ESYT3: variants seen among roughly 807,000 people sequenced by gnomAD.
ESYT3 encodes extended synaptotagmin 3, also known as extended synaptotagmin-3.
ESYT3 carries 101 observed loss-of-function variants against 111.5 expected under a neutral mutation model. That is an observed-to-expected ratio of 0.91 (90% CI 0.77 to 1.07). The LOEUF (loss-of-function observed/expected upper bound fraction) is 1.07. Among genes scored for constraint, ESYT3 ranks in the 50% least tolerant of loss-of-function variants. The pLI is 0.00. For synonymous variants in ESYT3, 416 were observed against 446.8 expected, an observed-to-expected ratio of 0.93 and a Z score of 0.87; for missense variants, 1,097 against 1,109.4, an observed-to-expected ratio of 0.99 and a Z score of 0.16.
At position 138,440,544 on chromosome 3, in the gene ESYT3, T is replaced by C. The variant is rs895208448; in HGVS notation, c.327+5419T>C. On this transcript the variant is annotated intron_variant, in intron 1 of 22. Coordinates refer to ENST00000389567, the MANE Select transcript of ESYT3 (RefSeq NM_031913.5). This position sits in a 1 kb window ranked among gnomAD's most constrained non-coding sequence, Gnocchi z 4.2. Reference sequence around the variant, plus strand: ...GAGCCAGGGCCGTGGAACCTGATTTTAAACATCAGGACTGGTTGGGTGCTG... The same window carrying C: ...GAGCCAGGGCCGTGGAACCTGATTTCAAACATCAGGACTGGTTGGGTGCTG... Among the ~76,000 whole-genome samples, 1 of 152,226 alleles carries C rather than the reference T, an allele frequency of 6.6e-6. No individual in the cohort carries two copies. Among genetic ancestry groups the C allele is most frequent in the Non-Finnish European group, 1.5e-5 (1 of 68,036 alleles).
chr3:138,449,891 A>G (rs548504305), intron 1 of ESYT3, among the ~76,000 whole-genome samples: 1 of 152,304 alleles, frequency 6.6e-6, no homozygotes, highest in African/African-American at 2.4e-5. Flanking sequence ...TATGTTAGAA[A>G]CAGACTTTAA....
intron 1 of ESYT3, among the ~76,000 whole-genome samples, chr3:138,441,935 A>C (rs1226418661): frequency 6.6e-6 from 1 of 152,038 alleles, no homozygotes; most frequent in African/African-American, 2.4e-5. Flanking sequence ...TCTCTGTGGG[A>C]GGGCAGGCCG....
At chr3:138,474,695 C>A (rs1318918391) in intron 20 of ESYT3, 1 of 165,708 alleles carries the variant, frequency 6.0e-6, no homozygotes, top group Non-Finnish European at 1.3e-5. Context: ...GTTAAACATT[C>A]CTTGAGCCTG....
chr3:138,473,541 G>A lies in ESYT3; in HGVS notation c.2243G>A (p.Gly748Glu), dbSNP rs760101575. 1.9e-6 allele frequency: 3 copies of A among 1,613,252 alleles called. No homozygotes were observed. The highest frequency in any genetic ancestry group is 2.2e-5 in the South Asian group (2 of 91,044). Residue 748 changes from glycine (G) to glutamate (E), a missense_variant, in exon 19 of 23, where the codon GGG becomes GAG. Physicochemically the swap from Gly to Glu is moderately conservative, Grantham distance 98. Coordinates refer to ENST00000389567, the MANE Select transcript of ESYT3 (RefSeq NM_031913.5). ...LADISLNIEGGDLRRRQLGEI... is the reference protein window; with the variant it reads ...LADISLNIEGEDLRRRQLGEI... ...GATGGGCTCTTTCTTTACAGAGGTG[G>A]GGACCTCAGGCGACGGCAGCTGGGT... is the stretch of plus-strand genomic sequence containing the variant.
chr3:138,457,769 C>A (rs1277602805), intron 4 of ESYT3, 125 bp downstream of exon 4: 3 of 886,596 alleles, frequency 3.4e-6, no homozygotes, highest in East Asian at 5.3e-5. Context: ...CAGGACCCTC[C>A]CCTCCTCCCA....
At chr3:138,443,632 T>C (rs2031315175) in intron 1 of ESYT3, among the ~76,000 whole-genome samples, 1 of 152,126 alleles carries the variant, frequency 6.6e-6, no homozygotes, top group South Asian at 2.1e-4. Context: ...TGAGGCTAAT[T>C]TTAGGAAACT....
At position 138,440,692 on chromosome 3, in the gene ESYT3, G is replaced by C. The variant is rs1269779064; in HGVS notation, c.327+5567G>C. ...CAGATAAATTTTTAGTCATGCCTTT[G>C]GGGTTTCTGCCCCATGTCTTAATGA... is the stretch of plus-strand genomic sequence containing the variant. On this transcript the variant is annotated intron_variant, in intron 1 of 22. Coordinates refer to ENST00000389567, the MANE Select transcript of ESYT3 (RefSeq NM_031913.5). The surrounding 1 kb of genome is among the most constrained non-coding windows in gnomAD (Gnocchi z 4.2). 1.3e-5 allele frequency among the ~76,000 whole-genome samples: 2 copies of C among 152,200 alleles called. No homozygotes were observed. The highest frequency in any genetic ancestry group is 2.9e-5 in the Non-Finnish European group (2 of 68,032).
chr3:138,436,599 A>G (rs2030711227), intron 1 of ESYT3, among the ~76,000 whole-genome samples: 1 of 152,198 alleles, frequency 6.6e-6, no homozygotes. Context: ...ATAAGGGTGC[A>G]CACTTTTCTA....
At chr3:138,473,265 A>C in intron 18 of ESYT3, 1 of 745,792 alleles carries the variant, frequency 1.3e-6, no homozygotes, top group African/African-American at 1.8e-5. Flanking sequence ...AACTATCATA[A>C]AAGTTTAATA....
intron 3 of ESYT3, among the ~76,000 whole-genome samples, chr3:138,455,536 C>T (rs1250188276): frequency 2.0e-5 from 3 of 152,176 alleles, no homozygotes; most frequent in Non-Finnish European, 4.4e-5. Context: ...GTACCATCAT[C>T]TCCCCAGGTT....
At chr3:138,472,917 G>A (rs1242457626) in intron 18 of ESYT3, 58 bp downstream of exon 18, 5 of 1,549,602 alleles carry the variant, frequency 3.2e-6, no homozygotes, top group Non-Finnish European at 4.3e-6. Context: ...ATACCTCGCT[G>A]GATGGAAAAG....
chr3:138,478,277 A>G lies in ESYT3; in HGVS notation c.*1423A>G, dbSNP rs1026296324. The G allele has an allele frequency of 7.9e-5, 12 of 152,308 alleles. No individual in the cohort carries two copies. The highest frequency in any genetic ancestry group is 2.6e-4 in the African/African-American group (11 of 41,572). The allele number at this position is 152,308 out of a possible 1,614,324, so 9.4% of individuals were successfully genotyped here. ...CCAGTTGAACAGTAGGGAACAATTC[A>G]AGCTACTTGAATTGTTTTTCACCCT... On this transcript the variant is annotated 3_prime_UTR_variant, in exon 23 of 23. Coordinates refer to ENST00000389567, the MANE Select transcript of ESYT3 (RefSeq NM_031913.5).
At chr3:138,457,185 C>A (rs1365163355) in intron 3 of ESYT3, among the ~76,000 whole-genome samples, 3 of 152,244 alleles carry the variant, frequency 2.0e-5, no homozygotes, top group Non-Finnish European at 4.4e-5. Context: ...TGAGTATTGC[C>A]AGCTTCCTCC....
In ESYT3 at chr3:138,464,428, C is replaced by T; in HGVS notation, c.999C>T (p.Pro333=). 6.2e-7 allele frequency: 1 copy of T among 1,614,172 alleles called. No individual in the cohort carries two copies. The highest frequency in any genetic ancestry group is 1.7e-5 in the Admixed American group (1 of 60,018). The change falls in exon 9 of 23, where the codon CCC becomes CCT. Residue 333 remains proline, a synonymous_variant. Coordinates refer to ENST00000389567, the MANE Select transcript of ESYT3 (RefSeq NM_031913.5). ...TGGGGCTCCGAGGCAAGTCAGATCC[C>T]TACGCCAAGGTGAGCATCGGCCTAC... is the stretch of plus-strand genomic sequence containing the variant. ...NFLGLRGKSD[P]YAKVSIGLQH... is the part of the protein sequence containing the mutation.
At chr3:138,471,051 G>A (rs1346155953) in intron 17 of ESYT3, 25 bp downstream of exon 17, 2 of 1,598,546 alleles carry the variant, frequency 1.3e-6, no homozygotes, top group Admixed American at 3.3e-5. Context: ...TCCCCTGGGG[G>A]AGGGGAGGAA....
intron 1 of ESYT3, among the ~76,000 whole-genome samples, chr3:138,441,826 C>CT (rs1171827391): frequency 4.1e-4 from 20 of 48,426 alleles, no homozygotes; most frequent in African/African-American, 1.3e-3. Context: ...AGACAAAGCA[C>CT]CTTTTTTTTT....
At chr3:138,475,081 T>C (rs920995746) in intron 20 of ESYT3, among the ~76,000 whole-genome samples, 11 of 152,180 alleles carry the variant, frequency 7.2e-5, no homozygotes, top group African/African-American at 2.7e-4. Context: ...ATTATGTTCC[T>C]TCAAGAGCTA....
chr3:138,474,029 G>A (rs2033367629), intron 19 of ESYT3, among the ~76,000 whole-genome samples, 192 bp from the exon 20 acceptor site: 1 of 152,146 alleles, frequency 6.6e-6, no homozygotes, highest in Admixed American at 6.5e-5. Flanking sequence ...AATTCTACAG[G>A]CTATTACTTT....
At chr3:138,437,301 T>C (rs1370690622) in intron 1 of ESYT3, among the ~76,000 whole-genome samples, 1 of 152,174 alleles carries the variant, frequency 6.6e-6, no homozygotes, top group East Asian at 1.9e-4. Flanking sequence ...CATATCATAT[T>C]GTCCCCGAAT....
Sources: allele counts gnomAD v4.1 joint callset (sites outside exome capture counted in the v4.1 genomes callset), GRCh38; gene constraint gnomAD v4.1.1; non-coding constraint Gnocchi (gnomAD v3.1); transcripts MANE v1.5; gene names NCBI Gene and HGNC (gene_info 2026-07-23, HGNC 2026-07-21).